EEPD1: variants seen among roughly 807,000 people sequenced by gnomAD.
EEPD1 encodes endonuclease/exonuclease/phosphatase family domain-containing protein 1.
In EEPD1, 17 loss-of-function variants were observed where a neutral mutation model predicts 46.3. The ratio of observed to expected loss-of-function variants is 0.37; its 90% confidence interval spans 0.25 to 0.55. The LOEUF (loss-of-function observed/expected upper bound fraction) is 0.55, where lower values mean the gene tolerates loss of function less well. Among genes scored for constraint, EEPD1 ranks in the 20% least tolerant of loss-of-function variants. EEPD1 has a pLI of 0.83. For missense variants in EEPD1, 673 were observed against 745.6 expected (o/e 0.90, Z 1.13); for synonymous variants, 313 against 315.6 (o/e 0.99, Z 0.09).
chr7:36,294,078 A>G (rs17275193), intron 6 of EEPD1, among the ~76,000 whole-genome samples: 68,502 of 152,054 alleles, frequency 0.45, 16,522 homozygotes, highest in East Asian at 0.63. Flanking sequence ...TTGAGTGAAA[A>G]TAACTATGTA....
At chr7:36,167,965 C>G (rs780189473) in intron 2 of EEPD1, among the ~76,000 whole-genome samples, 1 of 152,086 alleles carries the variant, frequency 6.6e-6, no homozygotes, top group Non-Finnish European at 1.5e-5. Flanking sequence ...TGTGGAAGGG[C>G]GAGATTCAGA....
intron 2 of EEPD1, among the ~76,000 whole-genome samples, chr7:36,204,681 G>A (rs920414126): frequency 1.3e-5 from 2 of 152,178 alleles, no homozygotes; most frequent in African/African-American, 2.4e-5. Context: ...CAGACAGACC[G>A]GGCTCACCTG....
chr7:36,214,482 T>C (rs1785993491), intron 2 of EEPD1, among the ~76,000 whole-genome samples: 1 of 152,158 alleles, frequency 6.6e-6, no homozygotes, highest in Admixed American at 6.5e-5. Flanking sequence ...AGTGATTCTG[T>C]GTAAAGTTGG....
chr7:36,159,772 G>A lies in EEPD1; in HGVS notation c.878+4570G>A, dbSNP rs573652038. On this transcript the variant is annotated intron_variant, in intron 2 of 7. Transcript: ENST00000242108. ...CGTTTTTGTTCCTCTAAAGGATGGG[G>A]CTTGAGGCCAGAGGTAGAGCCAATC... Among the ~76,000 whole-genome samples the A allele has an allele frequency of 5.3e-5, 8 of 152,314 alleles. No homozygotes were observed. The South Asian group carries it at 1.7e-3, about 32-fold the overall frequency.
rs1784782803 is a variant in EEPD1 at position 36,154,514 on chromosome 7, A to G, written c.190A>G (p.Ile64Val). The G allele has an allele frequency of 1.9e-6, 3 of 1,614,202 alleles. No individual in the cohort carries two copies. The highest frequency in any genetic ancestry group is 2.5e-6 in the Non-Finnish European group (3 of 1,180,040). Reference protein sequence around the residue: ...PGVTRAVARSIVEYREYIGGF... With the variant: ...PGVTRAVARSVVEYREYIGGF... The stretch of plus-strand genomic sequence containing the variant: ...GGTGACGCGTGCCGTGGCACGCAGC[A>G]TCGTGGAGTACCGAGAGTATATCGG... The change falls in exon 2 of 8, where the codon ATC (isoleucine) becomes GTC (valine). Residue 64 changes from isoleucine (I) to valine (V), a missense_variant. Transcript: ENST00000242108. This position sits in a 1 kb window ranked among gnomAD's most constrained non-coding sequence, Gnocchi z 4.2.
intron 3 of EEPD1, among the ~76,000 whole-genome samples, chr7:36,268,287 G>T (rs1787055033): frequency 6.6e-6 from 1 of 152,068 alleles, no homozygotes; most frequent in South Asian, 2.1e-4. Context: ...GAGTAGCTGG[G>T]ATTATAGGCA....
chr7:36,210,063 C>T (rs936405594), intron 2 of EEPD1, among the ~76,000 whole-genome samples: 8 of 151,530 alleles, frequency 5.3e-5, no homozygotes, highest in Non-Finnish European at 8.8e-5. Flanking sequence ...CTGCAGGCAG[C>T]GAGGGTTTCC....
chr7:36,189,493 G>C (rs1216281063), intron 2 of EEPD1, among the ~76,000 whole-genome samples: 2 of 152,148 alleles, frequency 1.3e-5, no homozygotes, highest in Non-Finnish European at 2.9e-5. Flanking sequence ...TAAATCTTTT[G>C]TGAAGTTCTT....
At chr7:36,282,462 G>T (rs755041583) in intron 4 of EEPD1, among the ~76,000 whole-genome samples, 2 of 152,198 alleles carry the variant, frequency 1.3e-5, no homozygotes, top group Non-Finnish European at 2.9e-5. Flanking sequence ...GGCCCCTCCC[G>T]CAGGGAGTGC....
chr7:36,161,288 T>C (rs191162372), intron 2 of EEPD1, among the ~76,000 whole-genome samples: 43 of 152,260 alleles, frequency 2.8e-4, no homozygotes, highest in African/African-American at 8.7e-4. Flanking sequence ...CTCAAGGACA[T>C]ACACATTCAG....
chr7:36,203,069 T>C (rs1283723036), intron 2 of EEPD1, among the ~76,000 whole-genome samples: 1 of 152,142 alleles, frequency 6.6e-6, no homozygotes, highest in East Asian at 1.9e-4. Context: ...GGATAAGTGT[T>C]GGGTTCTGGG....
At chr7:36,196,382 C>T (rs1338469523) in intron 2 of EEPD1, among the ~76,000 whole-genome samples, 1 of 147,134 alleles carries the variant, frequency 6.8e-6, no homozygotes, top group Non-Finnish European at 1.5e-5. Context: ...CGTCTCCCGT[C>T]TCCCTCTCCC....
intron 2 of EEPD1, among the ~76,000 whole-genome samples, chr7:36,176,005 T>G (rs1785171303): frequency 6.6e-6 from 1 of 152,136 alleles, no homozygotes; most frequent in Admixed American, 6.5e-5. Context: ...CGTGGGCCCT[T>G]TCAGCCCTGA....
At chr7:36,298,402 A>G (rs1366725311) in intron 7 of EEPD1, among the ~76,000 whole-genome samples, 2 of 152,192 alleles carry the variant, frequency 1.3e-5, no homozygotes, top group Admixed American at 6.5e-5. Flanking sequence ...ATCTAGGCCC[A>G]TGTCAATCCT....
chr7:36,217,026 G>A (rs1278919572), intron 2 of EEPD1, among the ~76,000 whole-genome samples: 1 of 152,180 alleles, frequency 6.6e-6, no homozygotes, highest in African/African-American at 2.4e-5. Flanking sequence ...AGTGGAAAGG[G>A]GTCCCAATCC....
intron 3 of EEPD1, among the ~76,000 whole-genome samples, chr7:36,241,817 G>A (rs1377377602): frequency 6.6e-6 from 1 of 152,180 alleles, no homozygotes; most frequent in Non-Finnish European, 1.5e-5. Context: ...GTGGTGAGCC[G>A]AGATTGCGCC....
At chr7:36,241,547 A>G (rs1786553756) in intron 3 of EEPD1, among the ~76,000 whole-genome samples, 1 of 152,146 alleles carries the variant, frequency 6.6e-6, no homozygotes, top group Non-Finnish European at 1.5e-5. Flanking sequence ...GGGGTGTATC[A>G]GTATAATAAA....
chr7:36,288,604 C>T (rs775353499), intron 6 of EEPD1, among the ~76,000 whole-genome samples: 14 of 151,608 alleles, frequency 9.2e-5, no homozygotes, highest in Non-Finnish European at 1.8e-4. Flanking sequence ...CTACAAAGAA[C>T]GAAAAAAATT....
At chr7:36,236,508 T>G (rs985998721) in intron 2 of EEPD1, among the ~76,000 whole-genome samples, 58 of 152,322 alleles carry the variant, frequency 3.8e-4, no homozygotes, top group African/African-American at 1.4e-3. Context: ...CTTGATTGTC[T>G]GGGACGAGCT....
Sources: gnomAD v4.1 joint callset for allele counts (sites outside exome capture counted in the v4.1 genomes callset) on GRCh38, gnomAD v4.1.1 for gene constraint, Gnocchi (gnomAD v3.1) non-coding constraint, MANE v1.5 for transcripts, NCBI Gene and HGNC (gene_info 2026-07-23, HGNC 2026-07-21) for gene names.